LDB2: variants seen among roughly 807,000 people sequenced by gnomAD.
The protein encoded by LDB2 is LIM domain binding 2, also known as LIM domain-binding protein 2.
In LDB2, 12 loss-of-function variants were observed where a neutral mutation model predicts 44.3. The ratio of observed to expected loss-of-function variants is 0.27; its 90% CI spans 0.17 to 0.44. The LOEUF (loss-of-function observed/expected upper bound fraction) is 0.44. Ranked by LOEUF, LDB2 falls within the 20% of genes least tolerant of loss-of-function variation. The pLI, the probability that LDB2 is intolerant of heterozygous loss-of-function variation, is 1.00. For synonymous variants in LDB2, 164 were observed against 174.8 expected (o/e 0.94, Z 0.49); for missense variants, 344 against 473.5 (o/e 0.73, Z 2.54).
At chr4:16,749,570 AAAT>A (rs1765057059) in intron 2 of LDB2, among the ~76,000 whole-genome samples, 1 of 135,194 alleles carries the variant, frequency 7.4e-6, no homozygotes, top group Admixed American at 7.2e-5. Flanking sequence ...AAAAAAAAAA[AAAT>A]AAAAAAATAA....
At chr4:16,661,511 A>G (rs1056856515) in intron 2 of LDB2, among the ~76,000 whole-genome samples, 1 of 152,168 alleles carries the variant, frequency 6.6e-6, no homozygotes, top group Admixed American at 6.5e-5. Flanking sequence ...GGATGATACA[A>G]TTACCTACTT....
intron 2 of LDB2, among the ~76,000 whole-genome samples, chr4:16,672,284 C>G (rs1035660926): frequency 1.3e-5 from 2 of 152,186 alleles, no homozygotes; most frequent in East Asian, 3.9e-4. Flanking sequence ...TCAGAGCCTG[C>G]AAGTCTAACC....
At chr4:16,825,227 T>A (rs796310945) in intron 1 of LDB2, among the ~76,000 whole-genome samples, 6 of 152,320 alleles carry the variant, frequency 3.9e-5, no homozygotes, top group African/African-American at 1.4e-4. Context: ...ACAGCTCCAA[T>A]TATTCCTAAT....
At chr4:16,585,463 G>A (rs1292137215) in intron 5 of LDB2, among the ~76,000 whole-genome samples, 1 of 152,176 alleles carries the variant, frequency 6.6e-6, no homozygotes, top group Non-Finnish European at 1.5e-5. Flanking sequence ...TGCAGAGAGT[G>A]CTTATGAAGC....
chr4:16,534,298 C>T (rs1218033307), intron 5 of LDB2, among the ~76,000 whole-genome samples: 1 of 152,160 alleles, frequency 6.6e-6, no homozygotes, highest in African/African-American at 2.4e-5. Flanking sequence ...CCATCCTAAA[C>T]CCATGGAGTA....
rs144647918 is a variant in LDB2, at chr4:16,721,770, C to T, written c.235+37388G>A. Among the ~76,000 whole-genome samples the T allele has an allele frequency of 7.9e-5, 12 of 152,170 alleles. No individual in the cohort carries two copies. The East Asian group carries it at 2.3e-3, about 29-fold the overall frequency. ...CACTAAAACTACCCAGTTACTCTGTCGATAGGGTTGGGCACAGGCCAGTTA... is the reference window on the plus strand; with the variant it reads ...CACTAAAACTACCCAGTTACTCTGTTGATAGGGTTGGGCACAGGCCAGTTA... On this transcript the variant is annotated intron_variant, in intron 2 of 7. Transcript: ENST00000304523.
chr4:16,548,815 C>T (rs567743967), intron 5 of LDB2, among the ~76,000 whole-genome samples: 1 of 152,262 alleles, frequency 6.6e-6, no homozygotes, highest in African/African-American at 2.4e-5. Context: ...AGTCTGCTGA[C>T]TGATTATATG....
rs1174965862 is a variant in LDB2, at chr4:16,897,895, AATATATATATATATATATATATATAT to A, written c.132+433_132+458del. Among the ~76,000 whole-genome samples, 6 of 78,174 alleles carry A rather than the reference AATATATATATATATATATATATATAT, an allele frequency of 7.7e-5. 1 individual carries two copies. The highest frequency in any genetic ancestry group is 1.4e-4 in the Non-Finnish European group (5 of 34,612). 51.3% of individuals were successfully genotyped at this position (78,174 alleles called of 152,430 possible). A position where few individuals can be genotyped will look rare whatever the true frequency, so the allele number is the denominator to read the frequency against. On this transcript the variant is annotated intron_variant, in intron 1 of 7. Transcript: ENST00000304523. ...TTCCTCTAGGATTTGTAAAAAAGAA[AATATATATATATATATATATATATAT>A]ATATATATATATATATACACATATG...
chr4:16,792,849 C>T (rs1776044975), intron 1 of LDB2, among the ~76,000 whole-genome samples: 1 of 152,154 alleles, frequency 6.6e-6, no homozygotes, highest in East Asian at 1.9e-4. Flanking sequence ...TTTATAAAGG[C>T]ACTTTTCAAA....
intron 2 of LDB2, among the ~76,000 whole-genome samples, chr4:16,628,826 G>T (rs1731050090): frequency 6.6e-6 from 1 of 152,194 alleles, no homozygotes; most frequent in African/African-American, 2.4e-5. Context: ...AGTGCAAGGG[G>T]TCAGGGGATC....
At chr4:16,665,251 C>A (rs865780996) in intron 2 of LDB2, among the ~76,000 whole-genome samples, 1 of 4,556 alleles carries the variant, frequency 2.2e-4, no homozygotes, top group Non-Finnish European at 1.3e-3. Context: ...AGTAGATATT[C>A]TCTTTTTTTT....
intron 1 of LDB2, among the ~76,000 whole-genome samples, chr4:16,875,872 A>C (rs532248397): frequency 5.6e-4 from 86 of 152,360 alleles, no homozygotes; most frequent in African/African-American, 2.0e-3. Context: ...GCTTCCACAA[A>C]ATACCCTCTA....
chr4:16,734,675 C>G (rs1239783733), intron 2 of LDB2, among the ~76,000 whole-genome samples: 1 of 150,768 alleles, frequency 6.6e-6, no homozygotes, highest in Non-Finnish European at 1.5e-5. Context: ...TGAGGAAGAG[C>G]TGCTGCTGCT....
At chr4:16,710,060 GC>G (rs1301212329) in intron 2 of LDB2, among the ~76,000 whole-genome samples, 4 of 152,266 alleles carry the variant, frequency 2.6e-5, no homozygotes, top group African/African-American at 9.6e-5. Context: ...TACCAAGTTT[GC>G]CATAGATAAT....
Position 16,815,654 on chromosome 4 carries a change from G to A in LDB2, c.133-56394C>T, listed in dbSNP as rs145538657. On this transcript the variant is annotated intron_variant, in intron 1 of 7. Transcript: ENST00000304523. ...CCCACTCTTCAAGTCTCAAGACAAA[G>A]TCTCTGAATTAGGGAAGAATCCCTT... Among the ~76,000 whole-genome samples, 27 of 152,254 alleles carry A rather than the reference G, an allele frequency of 1.8e-4. 1 individual carries two copies. Among genetic ancestry groups the A allele is most frequent in the African/African-American group, 5.8e-4 (24 of 41,540 alleles).
At chr4:16,560,884 T>G (rs1363489290) in intron 5 of LDB2, among the ~76,000 whole-genome samples, 1 of 152,200 alleles carries the variant, frequency 6.6e-6, no homozygotes, top group Non-Finnish European at 1.5e-5. Flanking sequence ...CAAGTGGGCT[T>G]CATCCCTGGG....
intron 2 of LDB2, among the ~76,000 whole-genome samples, chr4:16,641,173 G>A (rs987264731): frequency 1.1e-4 from 16 of 152,188 alleles, no homozygotes; most frequent in African/African-American, 3.4e-4. Flanking sequence ...AATATTTTAA[G>A]AGAAAGAAAT....
intron 5 of LDB2, among the ~76,000 whole-genome samples, chr4:16,583,316 G>A (rs887111098): frequency 1.3e-5 from 2 of 152,128 alleles, no homozygotes; most frequent in Middle Eastern, 6.3e-3. Context: ...AAAACAGGAC[G>A]CATCAGTTTT....
At chr4:16,730,310 G>T (rs921164204) in intron 2 of LDB2, among the ~76,000 whole-genome samples, 9 of 151,960 alleles carry the variant, frequency 5.9e-5, no homozygotes, top group African/African-American at 2.2e-4. Flanking sequence ...TTTGCTTCAC[G>T]GTCATTATCA....
Sources: allele counts gnomAD v4.1 joint callset (sites outside exome capture counted in the v4.1 genomes callset), GRCh38; gene constraint gnomAD v4.1.1; transcripts MANE v1.5; gene names NCBI Gene and HGNC (gene_info 2026-07-23, HGNC 2026-07-21).